The following ZNF609 variants were observed in gnomAD, a reference collection of about 807,000 sequenced individuals.
The protein encoded by ZNF609 is zinc finger protein 609.
In ZNF609, 11 loss-of-function variants were observed where a neutral mutation model predicts 109.5. The observed-to-expected ratio is 0.10, with a 90% CI of 0.06 to 0.17. The LOEUF (loss-of-function observed/expected upper bound fraction) is 0.17, where lower values mean the gene tolerates loss of function less well. Ranked by LOEUF, ZNF609 falls within the 10% of genes least tolerant of loss-of-function variation. ZNF609 has a pLI of 1.00. For synonymous variants in ZNF609, 646 were observed against 662.0 expected (o/e 0.98, Z 0.37); for missense variants, 1,559 against 1,772.4 (o/e 0.88, Z 2.16).
rs538141158 is a variant in ZNF609, at chr15:64,600,225, C to T, written c.748-22602C>T. On this transcript the variant is annotated intron_variant, in intron 2 of 9. Transcript: ENST00000326648. ...CAGCACTTTGGGAGGCCAAGGCTGG[C>T]GGATCACGAGGTCAGGAGATCGAGA... is the stretch of plus-strand genomic sequence containing the variant. Among the ~76,000 whole-genome samples the T allele has an allele frequency of 5.3e-5, 8 of 151,554 alleles. No individual in the cohort carries two copies. The East Asian group carries it at 7.9e-4, about 15-fold the overall frequency.
intron 2 of ZNF609, among the ~76,000 whole-genome samples, chr15:64,518,284 G>T (rs1893843485): frequency 1.3e-5 from 2 of 152,160 alleles, no homozygotes; most frequent in Non-Finnish European, 2.9e-5. Context: ...GGATAAGCAG[G>T]AATTAGACAG....
At chr15:64,612,094 C>T (rs1270991090) in intron 2 of ZNF609, among the ~76,000 whole-genome samples, 1 of 151,460 alleles carries the variant, frequency 6.6e-6, no homozygotes, top group Non-Finnish European at 1.5e-5. Flanking sequence ...TGAGTAGGTA[C>T]TGATTGGTTA....
chr15:64,600,342 C>T (rs1290396178), intron 2 of ZNF609, among the ~76,000 whole-genome samples: 1 of 149,104 alleles, frequency 6.7e-6, no homozygotes, highest in African/African-American at 2.5e-5. Context: ...CCCAGCTACT[C>T]AGGAGGCTGA....
At chr15:64,498,942 T>A (rs1893519778) in intron 1 of ZNF609, among the ~76,000 whole-genome samples, 1 of 152,170 alleles carries the variant, frequency 6.6e-6, no homozygotes, top group South Asian at 2.1e-4. Flanking sequence ...AGCTTGCATC[T>A]GTGATATGCC....
At chr15:64,607,831 CT>C (rs1357500523) in intron 2 of ZNF609, among the ~76,000 whole-genome samples, 4 of 15,556 alleles carry the variant, frequency 2.6e-4, no homozygotes, top group East Asian at 7.4e-3. Context: ...TTCTTTCTTT[CT>C]TTCTTTCTTT....
At chr15:64,631,107 C>A in intron 3 of ZNF609, 1 of 502,922 alleles carries the variant, frequency 2.0e-6, no homozygotes, top group Non-Finnish European at 3.8e-6. Context: ...TTTTAACACC[C>A]ATTATGCTGT....
intron 2 of ZNF609, among the ~76,000 whole-genome samples, chr15:64,521,182 T>C (rs964490365): frequency 1.3e-5 from 2 of 152,172 alleles, no homozygotes; most frequent in African/African-American, 4.8e-5. Context: ...GAGTCCAAGA[T>C]AAGATCCCAT....
intron 3 of ZNF609, among the ~76,000 whole-genome samples, chr15:64,627,810 G>A (rs959366187): frequency 3.3e-5 from 5 of 150,854 alleles, no homozygotes; most frequent in Non-Finnish European, 5.9e-5. Context: ...TGAGACTACA[G>A]GCATGTGCCG....
At chr15:64,518,460 G>A (rs558097173) in intron 2 of ZNF609, among the ~76,000 whole-genome samples, 2 of 152,342 alleles carry the variant, frequency 1.3e-5, no homozygotes, top group African/African-American at 4.8e-5. Context: ...TATGGGGTCA[G>A]ATAGTAGAAG....
At chr15:64,588,290 G>T (rs1470171249) in intron 2 of ZNF609, among the ~76,000 whole-genome samples, 2 of 149,448 alleles carry the variant, frequency 1.3e-5, no homozygotes, top group South Asian at 2.1e-4. Flanking sequence ...TTAGCCGGGC[G>T]TGGTGGCGGG....
chr15:64,566,396 C>T (rs1894778073), intron 2 of ZNF609, among the ~76,000 whole-genome samples: 1 of 152,182 alleles, frequency 6.6e-6, no homozygotes, highest in South Asian at 2.1e-4. Flanking sequence ...CAAGCATGAC[C>T]AGTCAGTGAC....
At position 64,685,264 on chromosome 15, in the gene ZNF609, C is replaced by G. The variant is rs1426291484; in HGVS notation, c.*3578C>G. 1 of 152,394 alleles carries G rather than the reference C, an allele frequency of 6.6e-6. No individual in the cohort carries two copies. Among genetic ancestry groups the G allele is most frequent in the Non-Finnish European group, 1.5e-5 (1 of 68,012 alleles). The allele number at this position is 152,394 out of a possible 1,614,324, so 9.4% of individuals were successfully genotyped here. On this transcript the variant is annotated 3_prime_UTR_variant, in exon 10 of 10. Coordinates refer to ENST00000326648, the MANE Select transcript of ZNF609 (RefSeq NM_015042.2). ...AATAAATCTTTTTAAGAGACAATCA[C>G]AAATCTGTGAGGGCTGCTGGTTATT...
At chr15:64,607,150 T>A (rs746411058) in intron 2 of ZNF609, among the ~76,000 whole-genome samples, 1 of 143,284 alleles carries the variant, frequency 7.0e-6, no homozygotes, top group African/African-American at 2.6e-5. Context: ...ATAAAAAAAA[T>A]AAATAAATAA....
chr15:64,467,161 A>T (rs2140327629), intron 1 of ZNF609, among the ~76,000 whole-genome samples: 1 of 152,108 alleles, frequency 6.6e-6, no homozygotes, highest in East Asian at 1.9e-4. Flanking sequence ...CAAACCTAGG[A>T]TTTTTCTCTT....
chr15:64,618,231 C>G (rs1159635298), intron 2 of ZNF609, among the ~76,000 whole-genome samples: 1 of 152,088 alleles, frequency 6.6e-6, no homozygotes, highest in Non-Finnish European at 1.5e-5. Flanking sequence ...ACAAAACTTT[C>G]CTCCTGAAAT....
chr15:64,652,484 T>TCAGC (rs1280500256), intron 3 of ZNF609, among the ~76,000 whole-genome samples: 1 of 150,598 alleles, frequency 6.6e-6, no homozygotes, highest in Non-Finnish European at 1.5e-5. Context: ...CCTCCCAGGC[T>TCAGC]CAGCCATTCT....
intron 2 of ZNF609, among the ~76,000 whole-genome samples, chr15:64,550,826 GA>G (rs1490612455): frequency 1.6e-5 from 2 of 128,236 alleles, no homozygotes; most frequent in African/African-American, 6.1e-5. Context: ...GACACAGTGA[GA>G]CTCTGTCTCG....
At chr15:64,599,168 G>GTTTTTTTT (rs556122154) in intron 2 of ZNF609, among the ~76,000 whole-genome samples, 81 of 46,504 alleles carry the variant, frequency 1.7e-3, no homozygotes, top group Non-Finnish European at 2.2e-3. Context: ...TTTTGTGGTG[G>GTTTTTTTT]TTTTTTTTTT....
chr15:64,497,629 C>T (rs557707379), intron 1 of ZNF609, among the ~76,000 whole-genome samples: 20 of 152,070 alleles, frequency 1.3e-4, no homozygotes, highest in African/African-American at 4.3e-4. Flanking sequence ...TGGCTGGACA[C>T]GGTGGCTCAT....
Sources: allele counts gnomAD v4.1 joint callset (sites outside exome capture counted in the v4.1 genomes callset), GRCh38; gene constraint gnomAD v4.1.1; transcripts MANE v1.5; gene names NCBI Gene and HGNC (gene_info 2026-07-23, HGNC 2026-07-21).